DNAH1: variants seen among roughly 807,000 people sequenced by gnomAD.
DNAH1 encodes the protein dynein axonemal heavy chain 1, also known as axonemal beta dynein heavy chain 1.
DNAH1 carries 327 observed loss-of-function variants against 484.3 expected under a neutral mutation model. The ratio of observed to expected loss-of-function variants is 0.68; its 90% CI spans 0.62 to 0.74. The LOEUF (loss-of-function observed/expected upper bound fraction) is 0.74, where lower values mean the gene tolerates loss of function less well. Ranked by LOEUF, DNAH1 falls within the 30% of genes least tolerant of loss-of-function variation. The pLI is 0.00. For missense variants in DNAH1, 5,052 were observed against 5,546.8 expected, an observed-to-expected ratio of 0.91 and a Z score of 2.83; for synonymous variants, 2,192 against 2,191.9, an observed-to-expected ratio of 1.00 and a Z score of 0.00.
chr3:52,389,663 C>T (rs1704284160), intron 60 of DNAH1, 77 bp downstream of exon 60: 32 of 1,261,930 alleles, frequency 2.5e-5, no homozygotes, highest in Middle Eastern at 3.1e-4. Flanking sequence ...CTTCTGCCTC[C>T]TTCCTACCCT....
Position 52,360,060 on chromosome 3 carries a change from C to T in DNAH1, c.4552C>T (p.Gln1518Ter), listed in dbSNP as rs563033319. 7 of 1,613,892 alleles carry T rather than the reference C, an allele frequency of 4.3e-6. No individual in the cohort carries two copies. In the East Asian group the frequency reaches 1.1e-4, roughly 26 times the overall value. ...GAACGTGGTCAGCGTGAATGACTTC[C>T]AGTGGATCTCACAGCTGAGGTGAGG... ...QENVVSVNDF[Q>*]WISQLRYYWT... Residue 1518 changes from glutamine to a stop codon, truncating the protein, a stop_gained, in exon 27 of 78, where the codon CAG (glutamine) becomes TAG (stop). Transcript: ENST00000420323. LOFTEE classifies it high-confidence loss of function.
At chr3:52,331,689 A>G (rs1701560966) in intron 7 of DNAH1, among the ~76,000 whole-genome samples, 1 of 147,694 alleles carries the variant, frequency 6.8e-6, no homozygotes, top group Non-Finnish European at 1.5e-5. Context: ...CAGTGGTGCA[A>G]TCTTGGCTCA....
intron 12 of DNAH1, 88 bp downstream of exon 12, chr3:52,348,062 C>T: frequency 7.2e-7 from 1 of 1,389,956 alleles, no homozygotes. Flanking sequence ...CACAGTTCAA[C>T]TGTATCACAG....
chr3:52,327,788 ATTAC>A, intron 5 of DNAH1, 90 bp from the exon 6 acceptor site: 1 of 1,450,452 alleles, frequency 6.9e-7, no homozygotes, highest in Non-Finnish European at 9.5e-7. Context: ...TGGGGAGGGT[ATTAC>A]TTAGGCACCC....
At chr3:52,393,171 A>G in intron 65 of DNAH1, 146 bp downstream of exon 65, 1 of 1,416,836 alleles carries the variant, frequency 7.1e-7, no homozygotes, top group Non-Finnish European at 9.7e-7. Flanking sequence ...TGCACACAGC[A>G]CGCCTACCCT....
In DNAH1 at chr3:52,363,142, C is replaced by G. The variant is rs764208848; in HGVS notation, c.5242C>G (p.Gln1748Glu). The change falls in exon 32 of 78, where the codon CAG becomes GAG. Residue 1748 changes from glutamine to glutamate, a missense_variant and splice_region_variant. By Grantham distance (29) the Gln-to-Glu change is conservative. Around this residue, in one of 4 missense-constraint regions of DNAH1, gnomAD observed 2,929 missense variants for 3,409.4 expected, o/e 0.86. Coordinates refer to ENST00000420323, the MANE Select transcript of DNAH1 (RefSeq NM_015512.5). Reference protein sequence around the residue: ...FKLSSEQLSSQDHYDFGMRAV... With the variant: ...FKLSSEQLSSEDHYDFGMRAV... ...GCTGTCTTCTGAGCAGCTCAGCTCC[C>G]AGGTGTGGTCCTGCCCTGATGGGTT... The G allele has an allele frequency of 6.2e-7, 1 of 1,613,844 alleles. No individual in the cohort carries two copies. Among genetic ancestry groups the G allele is most frequent in the Non-Finnish European group, 8.5e-7 (1 of 1,179,802 alleles).
Position 52,379,621 on chromosome 3 carries a change from G to T in DNAH1, c.7378-284G>T, listed in dbSNP as rs1423500221. Among the ~76,000 whole-genome samples the T allele has an allele frequency of 6.6e-6, 1 of 152,190 alleles. No homozygotes were observed. Among genetic ancestry groups the T allele is most frequent in the Non-Finnish European group, 1.5e-5 (1 of 68,032 alleles). On this transcript the variant is annotated intron_variant, in intron 47 of 77. Coordinates refer to ENST00000420323, the MANE Select transcript of DNAH1 (RefSeq NM_015512.5). The surrounding 1 kb of genome is among the most constrained non-coding windows in gnomAD (Gnocchi z 4.4). ...GCTAAAAGGTGGAAGTGAGGTGCTT[G>T]TGACAAGCTAGCAGAGCCAGACACC...
intron 44 of DNAH1, chr3:52,373,634 A>G: frequency 1.4e-6 from 2 of 1,434,450 alleles, no homozygotes; most frequent in Non-Finnish European, 2.0e-6. Context: ...GAGAACTTCA[A>G]AAACTACCAT....
intron 54 of DNAH1, among the ~76,000 whole-genome samples, chr3:52,385,663 G>A (rs1704071673): frequency 6.6e-6 from 1 of 152,266 alleles, no homozygotes; most frequent in Non-Finnish European, 1.5e-5. Flanking sequence ...TCGGTGAGGA[G>A]CAAGGCAGAG....
chr3:52,378,072 A>G (rs1578173905), intron 46 of DNAH1, among the ~76,000 whole-genome samples: 1 of 152,080 alleles, frequency 6.6e-6, no homozygotes, highest in Non-Finnish European at 1.5e-5. Flanking sequence ...TTCCCAGCAC[A>G]GAATTGGATA....
Position 52,361,879 on chromosome 3 carries a change from T to C in DNAH1, c.4980+113T>C. 8.6e-7 allele frequency: 1 copy of C among 1,165,958 alleles called. No individual in the cohort carries two copies. Among genetic ancestry groups the C allele is most frequent in the Non-Finnish European group, 1.2e-6 (1 of 825,294 alleles). The allele number at this position is 1,165,958 out of a possible 1,614,324, so 72.2% of individuals were successfully genotyped here. On this transcript the variant is annotated intron_variant, in intron 30 of 77. Coordinates refer to ENST00000420323, the MANE Select transcript of DNAH1 (RefSeq NM_015512.5). This position sits in a 1 kb window ranked among gnomAD's most constrained non-coding sequence, Gnocchi z 5.6. ...GCTAAGGTCCACCCTGGGTCCAGCC[T>C]CTCTTGTCCCGGGGGCACACCCTAA...
chr3:52,386,203 CAGA>C lies in DNAH1; in HGVS notation c.8670_8672del (p.Glu2892del), dbSNP rs1239601295. ...GAGGAGACCCGGAATTCAGTGCAGA[CAGA>C]GGAGATCAAAGCCAATGAGAAGGCC... On this transcript the variant is annotated inframe_deletion, in exon 55 of 78. Coordinates refer to ENST00000420323, the MANE Select transcript of DNAH1 (RefSeq NM_015512.5). 2 of 1,613,726 alleles carry C rather than the reference CAGA, an allele frequency of 1.2e-6. No homozygotes were observed. Among genetic ancestry groups the C allele is most frequent in the Non-Finnish European group, 1.7e-6 (2 of 1,179,846 alleles).
In DNAH1 at chr3:52,331,251, A is replaced by T; in HGVS notation, c.975A>T (p.Lys325Asn). The T allele has an allele frequency of 6.2e-7, 1 of 1,611,684 alleles. No individual in the cohort carries two copies. Residue 325 changes from lysine to asparagine, a missense_variant, in exon 7 of 78, where the codon AAA (lysine) becomes AAT (asparagine). Physicochemically the swap from Lys to Asn is moderately conservative, Grantham distance 94. Around this residue, in one of 4 missense-constraint regions of DNAH1, gnomAD observed 1,263 missense variants for 1,218.8 expected, o/e 1.04. Transcript: ENST00000420323. The stretch of plus-strand genomic sequence containing the variant: ...ACCTGGTACACAAGACAGACGAGAA[A>T]GGCCTGGTGCGAGATGAGATGGGGA... ...KLYLVHKTDE[K>N]GLVRDEMGRP...
At chr3:52,386,392 C>A in intron 55 of DNAH1, 47 bp downstream of exon 55, 1 of 1,508,646 alleles carries the variant, frequency 6.6e-7, no homozygotes, top group Non-Finnish European at 8.9e-7. Context: ...ATGCCTCTGT[C>A]CTCAAGCCTT....
chr3:52,364,779 A>G lies in DNAH1; in HGVS notation c.5332-54A>G, dbSNP rs1703001471. 3 of 1,606,682 alleles carry G rather than the reference A, an allele frequency of 1.9e-6. No homozygotes were observed. The highest frequency in any genetic ancestry group is 2.6e-6 in the Non-Finnish European group (3 of 1,175,208). ...TGGAACTCTGGGAGGGCTCCTGGGC[A>G]GCTGGAGGGCAGCTGGCCCACTGCC... On this transcript the variant is annotated intron_variant, in intron 33 of 77. Transcript: ENST00000420323. The surrounding 1 kb of genome is among the most constrained non-coding windows in gnomAD (Gnocchi z 4.2).
intron 51 of DNAH1, 109 bp downstream of exon 51, chr3:52,383,703 G>A (rs1001645055): frequency 1.7e-5 from 24 of 1,403,652 alleles, no homozygotes; most frequent in African/African-American, 5.8e-5. Context: ...ATGAGGAGAC[G>A]CGGCCCTGGG....
At chr3:52,394,303 G>A (rs959902105) in intron 66 of DNAH1, among the ~76,000 whole-genome samples, 162 bp from the exon 67 acceptor site, 1 of 152,264 alleles carries the variant, frequency 6.6e-6, no homozygotes, top group African/African-American at 2.4e-5. Flanking sequence ...CCAGGAAAAG[G>A]CAGGGTGGGA....
intron 34 of DNAH1, 142 bp downstream of exon 34, chr3:52,365,161 G>A (rs1703021666): frequency 6.7e-6 from 8 of 1,192,728 alleles, no homozygotes; most frequent in South Asian, 3.3e-5. Flanking sequence ...GCTCTCAGCC[G>A]AGCAATCCAG....
intron 46 of DNAH1, 76 bp from the exon 47 acceptor site, chr3:52,378,526 C>T: frequency 6.7e-7 from 1 of 1,493,928 alleles, no homozygotes; most frequent in Non-Finnish European, 9.2e-7. Context: ...ACAGCAAAGG[C>T]AAGGAGGTCA....
Sources: allele counts gnomAD v4.1 joint callset (sites outside exome capture counted in the v4.1 genomes callset), GRCh38; gene constraint gnomAD v4.1.1; regional missense constraint gnomAD v4.1.1; non-coding constraint Gnocchi (gnomAD v3.1); transcripts MANE v1.5; gene names NCBI Gene and HGNC (gene_info 2026-07-23, HGNC 2026-07-21).